The following LRRTM4 variants were observed in gnomAD, a reference collection of about 807,000 sequenced individuals.
LRRTM4 encodes leucine rich repeat transmembrane neuronal 4.
LRRTM4 carries 25 observed loss-of-function variants against 47.6 expected under a neutral mutation model. The observed-to-expected ratio is 0.53, with a 90% confidence interval of 0.38 to 0.73. LRRTM4 has a LOEUF of 0.73. LRRTM4 is among the 30% of genes least tolerant of loss of function. The pLI, the probability that LRRTM4 is intolerant of heterozygous loss-of-function variation, is 0.00. For synonymous variants in LRRTM4, 311 were observed against 269.5 expected (o/e 1.15, Z -1.51); for missense variants, 638 against 713.4 (o/e 0.89, Z 1.20).
chr2:77,368,289 G>C (rs980116281), intron 3 of LRRTM4, among the ~76,000 whole-genome samples: 1 of 151,660 alleles, frequency 6.6e-6, no homozygotes, highest in African/African-American at 2.4e-5. Flanking sequence ...ATTGTGGTTT[G>C]GAGAGGCAGA....
Position 76,786,536 on chromosome 2 carries a change from G to A in LRRTM4, c.1552-37620C>T, listed in dbSNP as rs568412387. On this transcript the variant is annotated intron_variant, in intron 3 of 3. Transcript: ENST00000409884. Reference sequence around the variant, plus strand: ...AATATATGCCATGAAGCTCTTTGAAGGAGTTGTCTGATTCAATTTTCTGCT... The same window carrying A: ...AATATATGCCATGAAGCTCTTTGAAAGAGTTGTCTGATTCAATTTTCTGCT... 2.3e-3 allele frequency among the ~76,000 whole-genome samples: 267 copies of A among 116,772 alleles called. 1 individual carries two copies. Among genetic ancestry groups the A allele is most frequent in the African/African-American group, 6.7e-3 (245 of 36,398 alleles). The allele number at this position is 116,772 out of a possible 152,430, so 76.6% of individuals were successfully genotyped here.
chr2:77,109,964 T>C (rs1217670013), intron 3 of LRRTM4, among the ~76,000 whole-genome samples: 1 of 151,466 alleles, frequency 6.6e-6, no homozygotes, highest in African/African-American at 2.4e-5. Flanking sequence ...CTGAAGAGAT[T>C]AAAAAAATAT....
At chr2:77,165,791 G>A (rs1027118056) in intron 3 of LRRTM4, among the ~76,000 whole-genome samples, 3 of 152,114 alleles carry the variant, frequency 2.0e-5, no homozygotes, top group Admixed American at 1.3e-4. Context: ...AATAAATTAG[G>A]TATTGATGGG....
At chr2:77,340,287 T>G (rs1480267940) in intron 3 of LRRTM4, among the ~76,000 whole-genome samples, 1 of 151,766 alleles carries the variant, frequency 6.6e-6, no homozygotes, top group Non-Finnish European at 1.5e-5. Flanking sequence ...GTCCACAATT[T>G]ATGAGTTCAC....
intron 3 of LRRTM4, among the ~76,000 whole-genome samples, chr2:77,181,354 C>A (rs1388677856): frequency 6.6e-6 from 1 of 152,106 alleles, no homozygotes; most frequent in Non-Finnish European, 1.5e-5. Flanking sequence ...TCACTAAAGA[C>A]TTAGAGAAGT....
At chr2:77,008,978 A>G (rs1677769442) in intron 3 of LRRTM4, 1 of 151,616 alleles carries the variant, frequency 6.6e-6, no homozygotes, top group South Asian at 2.1e-4. Context: ...AAATGCAGCT[A>G]AACAGTTTTA....
At chr2:77,480,987 C>A (rs553915530) in intron 3 of LRRTM4, among the ~76,000 whole-genome samples, 160 of 152,206 alleles carry the variant, frequency 1.1e-3, no homozygotes, top group African/African-American at 3.6e-3. Flanking sequence ...AAGCCTTCAA[C>A]TGATGTAAGA....
At position 77,073,890 on chromosome 2, in the gene LRRTM4, C is replaced by T. The variant is rs138306235; in HGVS notation, c.1552-324974G>A. ...CTGGTGAAGCTTCTTGATTTTTATG[C>T]TAGTCATTCTTTTCTTCAGCTGAGG... On this transcript the variant is annotated intron_variant, in intron 3 of 3. Transcript: ENST00000409884. Among the ~76,000 whole-genome samples, 796 of 151,840 alleles carry T rather than the reference C, an allele frequency of 5.2e-3. 7 individuals are homozygous for T. Among genetic ancestry groups the T allele is most frequent in the African/African-American group, 0.018 (764 of 41,442 alleles).
chr2:77,304,437 GGTTTA>G (rs1479646824), intron 3 of LRRTM4, among the ~76,000 whole-genome samples: 1 of 152,002 alleles, frequency 6.6e-6, no homozygotes, highest in Non-Finnish European at 1.5e-5. Flanking sequence ...AGAGGTATTG[GGTTTA>G]GTGGCAAGTG....
chr2:77,031,447 G>A (rs1318516236), intron 3 of LRRTM4, among the ~76,000 whole-genome samples: 1 of 152,024 alleles, frequency 6.6e-6, no homozygotes, highest in Non-Finnish European at 1.5e-5. Context: ...GATTATCCTA[G>A]GGCTGTTTAT....
chr2:76,834,623 T>C (rs1428291294), intron 3 of LRRTM4, among the ~76,000 whole-genome samples: 1 of 152,084 alleles, frequency 6.6e-6, no homozygotes, highest in Non-Finnish European at 1.5e-5. Context: ...AAATGCTTTC[T>C]CTAATCCTTG....
intron 3 of LRRTM4, among the ~76,000 whole-genome samples, chr2:77,168,199 T>G (rs1672945248): frequency 6.6e-6 from 1 of 152,130 alleles, no homozygotes; most frequent in Admixed American, 6.6e-5. Flanking sequence ...TTTCATGTAT[T>G]ATTCCTTCTC....
At chr2:77,400,151 T>G (rs1391788973) in intron 3 of LRRTM4, among the ~76,000 whole-genome samples, 3 of 151,918 alleles carry the variant, frequency 2.0e-5, no homozygotes, top group Non-Finnish European at 4.4e-5. Context: ...TATATGTCTT[T>G]CTGTGCCCAG....
intron 3 of LRRTM4, among the ~76,000 whole-genome samples, chr2:76,797,103 A>G (rs1675376986): frequency 6.6e-6 from 1 of 152,040 alleles, no homozygotes; most frequent in Non-Finnish European, 1.5e-5. Context: ...CAGATTCAGG[A>G]AATACAGAGA....
intron 3 of LRRTM4, among the ~76,000 whole-genome samples, chr2:77,205,840 C>T (rs1443584536): frequency 2.0e-5 from 3 of 152,002 alleles, no homozygotes; most frequent in Admixed American, 6.6e-5. Flanking sequence ...AAGATTGTGT[C>T]TCTTTTTGTT....
At chr2:76,983,161 T>G (rs1339194844) in intron 3 of LRRTM4, among the ~76,000 whole-genome samples, 1 of 152,060 alleles carries the variant, frequency 6.6e-6, no homozygotes, top group Non-Finnish European at 1.5e-5. Flanking sequence ...TAGAGAAAGT[T>G]ACTGCATAGT....
intron 3 of LRRTM4, among the ~76,000 whole-genome samples, chr2:76,807,445 C>CACATATATATACACATATAT (rs1670540815): frequency 1.4e-5 from 1 of 69,308 alleles, no homozygotes; most frequent in Non-Finnish European, 2.4e-5. Context: ...TACGTATATA[C>CACATATATATACACATATAT]ATATATATAT....
At chr2:76,785,565 A>T (rs1674630134) in intron 3 of LRRTM4, among the ~76,000 whole-genome samples, 2 of 152,122 alleles carry the variant, frequency 1.3e-5, no homozygotes, top group Admixed American at 1.3e-4. Context: ...TCTAGTGTTT[A>T]GATTTTCTCC....
At chr2:76,858,291 C>G (rs901534329) in intron 3 of LRRTM4, among the ~76,000 whole-genome samples, 1 of 152,184 alleles carries the variant, frequency 6.6e-6, no homozygotes, top group African/African-American at 2.4e-5. Flanking sequence ...AAGGCTGACC[C>G]TCCCACAAGT....
Sources: gnomAD v4.1 joint callset for allele counts (sites outside exome capture counted in the v4.1 genomes callset) on GRCh38, gnomAD v4.1.1 for gene constraint, MANE v1.5 for transcripts, NCBI Gene and HGNC (gene_info 2026-07-23, HGNC 2026-07-21) for gene names.